Variants in TM9SF3 observed in about 807,000 individuals in gnomAD.
TM9SF3 encodes SM-11044-binding protein.
In TM9SF3, 14 loss-of-function variants were observed where a neutral mutation model predicts 78.6. That is an observed-to-expected ratio of 0.18 (90% confidence interval 0.12 to 0.28). The LOEUF (loss-of-function observed/expected upper bound fraction) is 0.28. Among genes scored for constraint, TM9SF3 ranks in the 10% least tolerant of loss-of-function variants. The pLI, the probability that TM9SF3 is intolerant of heterozygous loss-of-function variation, is 1.00. For synonymous variants in TM9SF3, 231 were observed against 241.7 expected, an observed-to-expected ratio of 0.96 and a Z score of 0.41; for missense variants, 496 against 721.9, an observed-to-expected ratio of 0.69 and a Z score of 3.59.
intron 8 of TM9SF3, among the ~76,000 whole-genome samples, chr10:96,545,843 C>T (rs971522719): frequency 5.9e-5 from 9 of 152,134 alleles, no homozygotes; most frequent in African/African-American, 2.2e-4. Flanking sequence ...AAGCTGAGAT[C>T]GTGCCATTGC....
intron 2 of TM9SF3, among the ~76,000 whole-genome samples, chr10:96,574,337 C>T (rs187560802): frequency 5.3e-5 from 8 of 152,230 alleles, no homozygotes; most frequent in East Asian, 3.9e-4. Flanking sequence ...TCATCATCAC[C>T]GGTCACTAGA....
At chr10:96,534,762 C>A (rs1847936274) in intron 9 of TM9SF3, among the ~76,000 whole-genome samples, 1 of 152,092 alleles carries the variant, frequency 6.6e-6, no homozygotes, top group South Asian at 2.1e-4. Flanking sequence ...AAAACACTTT[C>A]AACTGTAATA....
chr10:96,560,385 T>C (rs1305227624), intron 4 of TM9SF3: 31 of 738,060 alleles, frequency 4.2e-5, no homozygotes, highest in South Asian at 3.6e-4. Flanking sequence ...CAATGAATTA[T>C]GAAGGCAGTC....
In TM9SF3 at chr10:96,520,366, T is replaced by C. The variant is rs924381560; in HGVS notation, c.*1897A>G. 1 of 151,902 alleles carries C rather than the reference T, an allele frequency of 6.6e-6. No individual in the cohort carries two copies. Among genetic ancestry groups the C allele is most frequent in the Non-Finnish European group, 1.5e-5 (1 of 67,816 alleles). The allele number at this position is 151,902 out of a possible 1,614,324, so 9.4% of individuals were successfully genotyped here. A position where few individuals can be genotyped will look rare whatever the true frequency, so the allele number is the denominator to read the frequency against. On this transcript the variant is annotated 3_prime_UTR_variant, in exon 15 of 15. Coordinates refer to ENST00000371142, the MANE Select transcript of TM9SF3 (RefSeq NM_020123.4). ...TTCTGATCAAATTTGTTGGATCATA[T>C]CAATCATACTTAAGTGGTAAGAAAT...
intron 7 of TM9SF3, among the ~76,000 whole-genome samples, chr10:96,549,768 T>C (rs1848145556): frequency 6.6e-6 from 1 of 151,092 alleles, no homozygotes; most frequent in Admixed American, 6.6e-5. Context: ...GTGAGTGGTT[T>C]CTTATTTATA....
chr10:96,527,811 T>C (rs1847855516), intron 12 of TM9SF3, among the ~76,000 whole-genome samples: 1 of 152,084 alleles, frequency 6.6e-6, no homozygotes, highest in African/African-American at 2.4e-5. Context: ...TCAAGCACTT[T>C]GTAAAAAATA....
chr10:96,564,553 A>G (rs1020388699), intron 3 of TM9SF3, among the ~76,000 whole-genome samples: 26 of 152,240 alleles, frequency 1.7e-4, no homozygotes, highest in African/African-American at 5.5e-4. Context: ...TCTTAGTATG[A>G]TATTAAATGC....
intron 7 of TM9SF3, among the ~76,000 whole-genome samples, chr10:96,549,170 A>G (rs1321109906): frequency 6.6e-6 from 1 of 152,182 alleles, no homozygotes; most frequent in Admixed American, 6.5e-5. Flanking sequence ...CCACACTGAT[A>G]CTGATCCTCT....
intron 2 of TM9SF3, among the ~76,000 whole-genome samples, chr10:96,575,780 C>T (rs1361982364): frequency 2.0e-5 from 3 of 150,692 alleles, no homozygotes; most frequent in Non-Finnish European, 4.4e-5. Flanking sequence ...TTACAGGATC[C>T]ATGATGTATT....
intron 10 of TM9SF3, among the ~76,000 whole-genome samples, chr10:96,532,556 A>G (rs1032900487): frequency 7.9e-5 from 12 of 152,198 alleles, no homozygotes; most frequent in African/African-American, 1.4e-4. Context: ...AATGTAATAA[A>G]TGTACACTAA....
At chr10:96,550,932 A>T (rs1469272524) in intron 7 of TM9SF3, among the ~76,000 whole-genome samples, 1 of 152,172 alleles carries the variant, frequency 6.6e-6, no homozygotes, top group Non-Finnish European at 1.5e-5. Flanking sequence ...CTTCAACTTT[A>T]GGAAAAAAAA....
intron 7 of TM9SF3, among the ~76,000 whole-genome samples, chr10:96,549,891 T>C (rs892582554): frequency 6.6e-6 from 1 of 151,540 alleles, no homozygotes; most frequent in Admixed American, 6.6e-5. Flanking sequence ...AAAACTTGGA[T>C]TCTAGAAGAG....
chr10:96,565,429 G>A lies in TM9SF3; in HGVS notation c.299-3C>T. ...GTAAGTGGCTGGCATCACATCATCT[G>A]CACAAAATAAAAATTGCAAATTAGC... On this transcript the variant is annotated splice_region_variant and splice_polypyrimidine_tract_variant and intron_variant, in intron 2 of 14. Transcript: ENST00000371142. 3 of 1,532,382 alleles carry A rather than the reference G, an allele frequency of 2.0e-6. No homozygotes were observed. Among genetic ancestry groups the A allele is most frequent in the South Asian group, 2.6e-5 (2 of 77,412 alleles). 94.9% of individuals were successfully genotyped at this position (1,532,382 alleles called of 1,614,324 possible).
chr10:96,538,377 T>C (rs1359320335), intron 9 of TM9SF3, among the ~76,000 whole-genome samples: 4 of 152,016 alleles, frequency 2.6e-5, no homozygotes, highest in African/African-American at 7.2e-5. Flanking sequence ...ATATATAAAA[T>C]TGGCCAAAAA....
intron 5 of TM9SF3, among the ~76,000 whole-genome samples, chr10:96,556,914 G>A (rs2134147283): frequency 6.6e-6 from 1 of 152,226 alleles, no homozygotes; most frequent in East Asian, 1.9e-4. Flanking sequence ...TGACCCATCA[G>A]CAAAAATTCA....
chr10:96,530,843 G>A (rs575816760), intron 10 of TM9SF3, among the ~76,000 whole-genome samples: 25 of 152,282 alleles, frequency 1.6e-4, no homozygotes, highest in Non-Finnish European at 3.2e-4. Flanking sequence ...AGTATATGAA[G>A]AACACAAATT....
rs1045795120 is a variant in TM9SF3 at position 96,521,513 on chromosome 10, CTT to C, written c.*748_*749del. On this transcript the variant is annotated 3_prime_UTR_variant, in exon 15 of 15. Transcript: ENST00000371142. ...AAACAAGTATCTTCTCCATTTAACA[CTT>C]TGCTTTCTAACTGTACAGTAAATTG... is the stretch of plus-strand genomic sequence containing the variant. The C allele has an allele frequency of 1.3e-5, 2 of 152,296 alleles. No individual in the cohort carries two copies. Among genetic ancestry groups the C allele is most frequent in the African/African-American group, 4.8e-5 (2 of 41,410 alleles). The allele number at this position is 152,296 out of a possible 1,614,324, so 9.4% of individuals were successfully genotyped here.
rs543608402 is a variant in TM9SF3, at chr10:96,540,892, C to T, written c.1185+3184G>A. Among the ~76,000 whole-genome samples the T allele has an allele frequency of 1.8e-3, 267 of 148,574 alleles. 3 individuals carry two copies. Among genetic ancestry groups the T allele is most frequent in the Non-Finnish European group, 1.1e-3 (71 of 67,478 alleles). Reference sequence around the variant, plus strand: ...TCCCGGGTTCAAGCGATTCTCCTGCCTCAGCCTCCCGAGTAGCTGGAATTA... The same window carrying T: ...TCCCGGGTTCAAGCGATTCTCCTGCTTCAGCCTCCCGAGTAGCTGGAATTA... On this transcript the variant is annotated intron_variant, in intron 9 of 14. Coordinates refer to ENST00000371142, the MANE Select transcript of TM9SF3 (RefSeq NM_020123.4).
At chr10:96,565,492 AGAC>A in intron 2 of TM9SF3, 66 bp from the exon 3 acceptor site, 1 of 1,449,988 alleles carries the variant, frequency 6.9e-7, no homozygotes, top group Non-Finnish European at 9.1e-7. Context: ...AAAAAAAAAA[AGAC>A]AAGAAAAAAG....
Sources: gnomAD v4.1 joint callset for allele counts (sites outside exome capture counted in the v4.1 genomes callset) on GRCh38, gnomAD v4.1.1 for gene constraint, MANE v1.5 for transcripts, NCBI Gene and HGNC (gene_info 2026-07-23, HGNC 2026-07-21) for gene names.